ABCA13: variants seen among roughly 807,000 people sequenced by gnomAD.
ABCA13 encodes the protein ATP binding cassette subfamily A member 13.
In ABCA13, 476 loss-of-function variants were observed where a neutral mutation model predicts 478.7. The ratio of observed to expected loss-of-function variants is 0.99; its 90% CI spans 0.92 to 1.07. The LOEUF (loss-of-function observed/expected upper bound fraction) is 1.07, where lower values mean the gene tolerates loss of function less well. Among genes scored for constraint, ABCA13 ranks in the 50% least tolerant of loss-of-function variants. The pLI is 0.00. For synonymous variants in ABCA13, 2,252 were observed against 2,158.9 expected, an observed-to-expected ratio of 1.04 and a Z score of -1.20; for missense variants, 6,060 against 5,910.6, an observed-to-expected ratio of 1.03 and a Z score of -0.83.
intron 49 of ABCA13, among the ~76,000 whole-genome samples, chr7:48,506,784 T>C (rs1831252293): frequency 6.6e-6 from 1 of 152,170 alleles, no homozygotes; most frequent in Non-Finnish European, 1.5e-5. Context: ...ATTTTCCTCC[T>C]GATCCAGATG....
intron 1 of ABCA13, among the ~76,000 whole-genome samples, chr7:48,180,556 G>T (rs1015214168): frequency 3.3e-5 from 5 of 152,066 alleles, no homozygotes; most frequent in African/African-American, 1.2e-4. Context: ...AAGTAGCTGG[G>T]ATTACAGGTG....
intron 27 of ABCA13, among the ~76,000 whole-genome samples, chr7:48,321,366 G>T (rs1803428423): frequency 6.6e-6 from 1 of 152,192 alleles, no homozygotes; most frequent in African/African-American, 2.4e-5. Context: ...GGAAGAGAAG[G>T]ATGAAAGTAG....
chr7:48,268,217 C>T (rs973992549), intron 15 of ABCA13, among the ~76,000 whole-genome samples: 3 of 151,998 alleles, frequency 2.0e-5, no homozygotes, highest in African/African-American at 4.8e-5. Context: ...AGTGCAGTGG[C>T]GTGATCTTGG....
intron 31 of ABCA13, among the ~76,000 whole-genome samples, chr7:48,360,920 A>AC (rs1563119929): frequency 6.6e-6 from 1 of 151,736 alleles, no homozygotes. Flanking sequence ...GCATAGCAAG[A>AC]CCCCATCTCT....
chr7:48,594,724 TG>T lies in ABCA13; in HGVS notation c.14658del (p.Met4887TrpfsTer13), dbSNP rs779925330. 6.2e-7 allele frequency: 1 copy of T among 1,613,964 alleles called. No homozygotes were observed. Among genetic ancestry groups the T allele is most frequent in the Non-Finnish European group, 8.5e-7 (1 of 1,179,818 alleles). On this transcript the variant is annotated frameshift_variant, in exon 58 of 62. Transcript: ENST00000435803. LOFTEE classifies it high-confidence loss of function. ...DILLLDEPSS[G>X]MDPCSKRYLW... Reference sequence around the variant, plus strand: ...CTTTCCTTCAGGATGAGCCCAGCTCTGGGATGGATCCCTGCTCTAAGCGGTA... The same window carrying T: ...CTTTCCTTCAGGATGAGCCCAGCTCTGGATGGATCCCTGCTCTAAGCGGTA...
intron 27 of ABCA13, among the ~76,000 whole-genome samples, chr7:48,326,650 G>C (rs552310274): frequency 7.5e-4 from 114 of 152,306 alleles, no homozygotes; most frequent in South Asian, 1.7e-3. Context: ...GCTGTCAACA[G>C]GAGGCAGAGA....
rs181855061 is a variant in ABCA13 at position 48,497,743 on chromosome 7, A to T, written c.13291+8399A>T. Among the ~76,000 whole-genome samples, 4 of 147,870 alleles carry T rather than the reference A, an allele frequency of 2.7e-5. No homozygotes were observed. The East Asian group carries it at 8.0e-4, about 30-fold the overall frequency. Reference sequence around the variant, plus strand: ...ATGAGGCACTGACTCATGCTGTCTCATTGTCTCTAAGTGAGTGGGGGAGTA... The same window carrying T: ...ATGAGGCACTGACTCATGCTGTCTCTTTGTCTCTAAGTGAGTGGGGGAGTA... On this transcript the variant is annotated intron_variant, in intron 48 of 61. Transcript: ENST00000435803.
At chr7:48,477,896 TA>T (rs927853037) in intron 45 of ABCA13, among the ~76,000 whole-genome samples, 5 of 151,450 alleles carry the variant, frequency 3.3e-5, no homozygotes, top group Non-Finnish European at 7.4e-5. Context: ...ATAATAATAA[TA>T]AAAAAAAGAA....
chr7:48,197,719 A>G (rs1003744537), intron 2 of ABCA13, among the ~76,000 whole-genome samples: 2 of 151,800 alleles, frequency 1.3e-5, no homozygotes, highest in African/African-American at 4.8e-5. Flanking sequence ...TTGTAGTGAC[A>G]TTTGTTCTGA....
At chr7:48,233,138 T>A (rs1420171507) in intron 7 of ABCA13, among the ~76,000 whole-genome samples, 1 of 152,316 alleles carries the variant, frequency 6.6e-6, no homozygotes, top group Non-Finnish European at 1.5e-5. Flanking sequence ...GAAGTCCCCG[T>A]TGACTTGGTC....
intron 55 of ABCA13, among the ~76,000 whole-genome samples, chr7:48,551,649 A>C (rs781532339): frequency 6.6e-6 from 1 of 150,802 alleles, no homozygotes; most frequent in Non-Finnish European, 1.5e-5. Flanking sequence ...TGTCTGTTTT[A>C]ATTTGTTTCT....
chr7:48,593,549 C>T (rs1585913454), intron 57 of ABCA13, among the ~76,000 whole-genome samples: 1 of 151,694 alleles, frequency 6.6e-6, no homozygotes. Context: ...ATTTATACAC[C>T]AACATTAAAG....
chr7:48,247,148 G>A (rs1791820003), intron 13 of ABCA13, among the ~76,000 whole-genome samples: 1 of 152,176 alleles, frequency 6.6e-6, no homozygotes, highest in Non-Finnish European at 1.5e-5. Flanking sequence ...TGAGGTGGGA[G>A]AATTGCTTGA....
intron 8 of ABCA13, among the ~76,000 whole-genome samples, chr7:48,237,435 T>G (rs185116692): frequency 6.6e-6 from 1 of 152,274 alleles, no homozygotes; most frequent in African/African-American, 2.4e-5. Flanking sequence ...AAAGTTAAAC[T>G]ACAAACTAAA....
At chr7:48,640,214 T>C (rs374542255) in intron 59 of ABCA13, among the ~76,000 whole-genome samples, 1 of 152,166 alleles carries the variant, frequency 6.6e-6, no homozygotes, top group South Asian at 2.1e-4. Context: ...AAATTATGAC[T>C]TTTAATTTGG....
At chr7:48,265,675 G>A (rs2128733078) in intron 15 of ABCA13, among the ~76,000 whole-genome samples, 1 of 151,496 alleles carries the variant, frequency 6.6e-6, no homozygotes, top group South Asian at 2.1e-4. Flanking sequence ...TATTTTTATA[G>A]ATTTCATCAG....
intron 48 of ABCA13, among the ~76,000 whole-genome samples, chr7:48,490,849 A>T (rs978732833): frequency 6.6e-6 from 1 of 152,200 alleles, no homozygotes; most frequent in African/African-American, 2.4e-5. Flanking sequence ...TAATCTATGT[A>T]ATATGTTAGG....
At chr7:48,604,307 T>C (rs1791232271) in intron 58 of ABCA13, among the ~76,000 whole-genome samples, 1 of 152,186 alleles carries the variant, frequency 6.6e-6, no homozygotes, top group South Asian at 2.1e-4. Flanking sequence ...TCTCTAGTTC[T>C]TTCAATTGTG....
intron 24 of ABCA13, among the ~76,000 whole-genome samples, 159 bp downstream of exon 24, chr7:48,310,300 C>A (rs559474464): frequency 6.6e-6 from 1 of 152,110 alleles, no homozygotes; most frequent in African/African-American, 2.4e-5. Flanking sequence ...TTTGCTGAAT[C>A]CAAGGTGGGG....
Sources: allele counts gnomAD v4.1 joint callset (sites outside exome capture counted in the v4.1 genomes callset), GRCh38; gene constraint gnomAD v4.1.1; transcripts MANE v1.5; gene names NCBI Gene and HGNC (gene_info 2026-07-23, HGNC 2026-07-21).